The following CD86 variants were observed in gnomAD, a reference collection of about 807,000 sequenced individuals.
CD86 encodes the protein CD86 molecule.
Under a neutral mutation model 32.1 loss-of-function variants are expected in CD86, and 11 were observed. That is an observed-to-expected ratio of 0.34 (90% confidence interval 0.22 to 0.57). CD86 has a LOEUF of 0.57. Ranked by LOEUF, CD86 falls within the 20% of genes least tolerant of loss-of-function variation. The probability of loss-of-function intolerance (pLI) is 0.86; values close to 1 mark genes in which losing one functional copy is unlikely to be tolerated. For missense variants in CD86, 359 were observed against 398.4 expected (o/e 0.90, Z 0.84); for synonymous variants, 137 against 135.3 (o/e 1.01, Z -0.09).
chr3:122,074,724 C>T (rs964300379), intron 1 of CD86, among the ~76,000 whole-genome samples: 4 of 152,300 alleles, frequency 2.6e-5, no homozygotes, highest in African/African-American at 9.6e-5. Flanking sequence ...GTGAGGTCAA[C>T]TTCCACACCC....
rs370227987 is a variant in CD86, at chr3:122,062,522, G to C, written c.14+7019G>C. 7.9e-5 allele frequency among the ~76,000 whole-genome samples: 12 copies of C among 152,120 alleles called. 1 individual carries two copies. The East Asian group carries it at 9.6e-4, about 12-fold the overall frequency. ...CAGTTTTGTGGTAAATATATCAAAG[G>C]TGATTTTTTATAAGAGTTTTTTATA... On this transcript the variant is annotated intron_variant, in intron 1 of 6. Coordinates refer to ENST00000330540, the MANE Select transcript of CD86 (RefSeq NM_175862.5).
At chr3:122,066,207 C>T (rs903477933) in intron 1 of CD86, among the ~76,000 whole-genome samples, 1 of 152,160 alleles carries the variant, frequency 6.6e-6, no homozygotes, top group Admixed American at 6.5e-5. Context: ...ATTAAAGGAA[C>T]TTTGGACAGG....
At chr3:122,073,192 G>T (rs1021172099) in intron 1 of CD86, among the ~76,000 whole-genome samples, 2 of 148,832 alleles carry the variant, frequency 1.3e-5, no homozygotes, top group African/African-American at 2.4e-5. Flanking sequence ...GGTATTGTCA[G>T]ATTTTTGGAT....
chr3:122,102,406 CTTTTTTTTTTTTTTT>C (rs1011413952), intron 2 of CD86, among the ~76,000 whole-genome samples: 1 of 56,134 alleles, frequency 1.8e-5, no homozygotes, highest in South Asian at 6.3e-4. Context: ...CCACTGCTTA[CTTTTTTTTTTTTTTT>C]TTTTTTTTTT....
intron 1 of CD86, among the ~76,000 whole-genome samples, chr3:122,081,007 C>T (rs760133396): frequency 2.6e-5 from 4 of 152,192 alleles, no homozygotes; most frequent in Non-Finnish European, 2.9e-5. Context: ...TGATACCAGC[C>T]GTCACCTCTT....
intron 5 of CD86, among the ~76,000 whole-genome samples, chr3:122,113,561 G>A (rs903553716): frequency 1.1e-4 from 16 of 152,098 alleles, no homozygotes; most frequent in Non-Finnish European, 7.4e-5. Context: ...CAGGAGTAAG[G>A]TGGTATCTCA....
intron 3 of CD86, among the ~76,000 whole-genome samples, chr3:122,104,649 T>C (rs1346744203): frequency 1.3e-5 from 2 of 152,198 alleles, no homozygotes; most frequent in Non-Finnish European, 1.5e-5. Flanking sequence ...TTGTTGGGCA[T>C]CCTATAGTTT....
chr3:122,106,094 G>T, intron 3 of CD86, 104 bp from the exon 4 acceptor site: 3 of 812,408 alleles, frequency 3.7e-6, no homozygotes, highest in Non-Finnish European at 5.7e-6. Context: ...AGGCTCCCAG[G>T]TGTGCCCCAA....
In CD86 at chr3:122,097,752, ATACTAGG is replaced by A. The variant is rs571162006; in HGVS notation, c.65-5755_65-5749del. ...GTCTTTAGGGCTAGGAGTGGAAAAA[ATACTAGG>A]TACTGAGTCAGAGTGGAAAACAGTG... On this transcript the variant is annotated intron_variant, in intron 2 of 6. Coordinates refer to ENST00000330540, the MANE Select transcript of CD86 (RefSeq NM_175862.5). Among the ~76,000 whole-genome samples, 393 of 152,272 alleles carry A rather than the reference ATACTAGG, an allele frequency of 2.6e-3. 1 individual carries two copies. Among genetic ancestry groups the A allele is most frequent in the South Asian group, 7.9e-3 (38 of 4,826 alleles).
At position 122,101,516 on chromosome 3, in the gene CD86, ATATATAT is replaced by A. The variant is rs1559909873; in HGVS notation, c.65-1995_65-1989del. Among the ~76,000 whole-genome samples the A allele has an allele frequency of 4.5e-4, 12 of 26,762 alleles. 1 individual carries two copies. The South Asian group carries it at 4.5e-3, about 10-fold the overall frequency. The allele number at this position is 26,762 out of a possible 152,430, so 17.6% of individuals were successfully genotyped here. A position where few individuals can be genotyped will look rare whatever the true frequency, so the allele number is the denominator to read the frequency against. The stretch of plus-strand genomic sequence containing the variant: ...TACAGAAAAAAAAAAAAAAAAAAAT[ATATATAT>A]ATATATATATATATATATGTAAATC... On this transcript the variant is annotated intron_variant, in intron 2 of 6. Coordinates refer to ENST00000330540, the MANE Select transcript of CD86 (RefSeq NM_175862.5).
At chr3:122,101,859 C>G (rs2073015423) in intron 2 of CD86, among the ~76,000 whole-genome samples, 1 of 152,130 alleles carries the variant, frequency 6.6e-6, no homozygotes, top group African/African-American at 2.4e-5. Context: ...TTCCTTAGGT[C>G]TCCCTTTCAC....
chr3:122,095,885 G>A (rs2107530616), intron 2 of CD86, among the ~76,000 whole-genome samples: 1 of 152,332 alleles, frequency 6.6e-6, no homozygotes, highest in Admixed American at 6.5e-5. Flanking sequence ...TGAATAGGAT[G>A]TGTATAGGGT....
intron 1 of CD86, among the ~76,000 whole-genome samples, chr3:122,088,503 G>C (rs1293890872): frequency 6.6e-6 from 1 of 152,136 alleles, no homozygotes; most frequent in Non-Finnish European, 1.5e-5. Context: ...CCTGATTGCT[G>C]TCTCCCTCCC....
chr3:122,071,003 A>C (rs1310234392), intron 1 of CD86, among the ~76,000 whole-genome samples: 3 of 152,198 alleles, frequency 2.0e-5, no homozygotes, highest in Non-Finnish European at 4.4e-5. Context: ...GATTTTCAAA[A>C]AATTGAGCAC....
At chr3:122,109,535 G>A (rs1186367479) in intron 5 of CD86, 127 bp downstream of exon 5, 3 of 1,097,834 alleles carry the variant, frequency 2.7e-6, no homozygotes, top group East Asian at 4.8e-5. Flanking sequence ...TGGGAAAAAA[G>A]GTTTTCCCTT....
chr3:122,069,679 C>A (rs1240809982), intron 1 of CD86, among the ~76,000 whole-genome samples: 1 of 152,128 alleles, frequency 6.6e-6, no homozygotes. Flanking sequence ...TCCAGGTTAC[C>A]CCTGGCCCCT....
Position 122,103,648 on chromosome 3 carries a change from G to A in CD86, c.201G>A (p.Glu67=). The A allele has an allele frequency of 6.2e-7, 1 of 1,614,010 alleles. No homozygotes were observed. Among genetic ancestry groups the A allele is most frequent in the Non-Finnish European group, 8.5e-7 (1 of 1,179,930 alleles). ...WQDQENLVLN[E]VYLGKEKFDS... ...ACCAGGAAAACTTGGTTCTGAATGAGGTATACTTAGGCAAAGAGAAATTTG... is the reference window on the plus strand; with the variant it reads ...ACCAGGAAAACTTGGTTCTGAATGAAGTATACTTAGGCAAAGAGAAATTTG... The change falls in exon 3 of 7, where the codon GAG becomes GAA. Residue 67 remains glutamate (E), a synonymous_variant. Coordinates refer to ENST00000330540, the MANE Select transcript of CD86 (RefSeq NM_175862.5).
At chr3:122,072,869 A>T (rs377487640) in intron 1 of CD86, among the ~76,000 whole-genome samples, 5,705 of 152,080 alleles carry the variant, frequency 0.038, 176 homozygotes, top group African/African-American at 0.084. Flanking sequence ...TTTAGGTCTA[A>T]TGTTTAAGTC....
chr3:122,065,154 C>A (rs1175564873), intron 1 of CD86, among the ~76,000 whole-genome samples: 3 of 152,168 alleles, frequency 2.0e-5, no homozygotes, highest in Middle Eastern at 3.2e-3. Context: ...AAATGCCAGT[C>A]TGATCCCAGA....
Sources: allele counts gnomAD v4.1 joint callset (sites outside exome capture counted in the v4.1 genomes callset), GRCh38; gene constraint gnomAD v4.1.1; transcripts MANE v1.5; gene names NCBI Gene and HGNC (gene_info 2026-07-23, HGNC 2026-07-21).